Variants in SLC25A21 observed in about 807,000 individuals in gnomAD.
SLC25A21 encodes mitochondrial 2-oxodicarboxylate carrier.
In SLC25A21, 47 loss-of-function variants were observed where a neutral mutation model predicts 43.8. The ratio of observed to expected loss-of-function variants is 1.07; its 90% CI spans 0.85 to 1.37. The LOEUF is 1.37. SLC25A21 is among the 40% of genes most tolerant of loss of function. The pLI, the probability that SLC25A21 is intolerant of heterozygous loss-of-function variation, is 0.00. For missense variants in SLC25A21, 352 were observed against 350.2 expected (o/e 1.00, Z -0.04); for synonymous variants, 131 against 121.3 (o/e 1.08, Z -0.52).
chr14:36,775,830 C>T (rs959941008), intron 3 of SLC25A21, among the ~76,000 whole-genome samples: 28 of 152,154 alleles, frequency 1.8e-4, no homozygotes, highest in African/African-American at 6.3e-4. Flanking sequence ...TTAACAGGTG[C>T]CCTACCCCCA....
At position 36,703,112 on chromosome 14, in the gene SLC25A21, G is replaced by A. The variant is rs117913395; in HGVS notation, c.603+8206C>T. 1.7e-3 allele frequency among the ~76,000 whole-genome samples: 257 copies of A among 152,200 alleles called. 1 individual carries two copies. Among genetic ancestry groups the A allele is most frequent in the Middle Eastern group, 0.014 (4 of 292 alleles). On this transcript the variant is annotated intron_variant, in intron 7 of 9. Coordinates refer to ENST00000331299, the MANE Select transcript of SLC25A21 (RefSeq NM_030631.4). ...TAATGTTCCTGCCCTTCCCATTACCGGATGATTGGTAAGACTAATGATGGA... is the reference window on the plus strand; with the variant it reads ...TAATGTTCCTGCCCTTCCCATTACCAGATGATTGGTAAGACTAATGATGGA...
At chr14:37,017,771 C>G (rs1594754428) in intron 1 of SLC25A21, among the ~76,000 whole-genome samples, 1 of 151,770 alleles carries the variant, frequency 6.6e-6, no homozygotes. Flanking sequence ...CCCAGAATGG[C>G]CAATGAACAA....
chr14:36,992,535 C>T (rs961361883), intron 1 of SLC25A21, among the ~76,000 whole-genome samples: 2 of 152,166 alleles, frequency 1.3e-5, no homozygotes, highest in African/African-American at 4.8e-5. Flanking sequence ...GAAACATATA[C>T]TCTAGGTATG....
At chr14:36,781,614 T>C (rs1887065167) in intron 3 of SLC25A21, among the ~76,000 whole-genome samples, 1 of 152,208 alleles carries the variant, frequency 6.6e-6, no homozygotes, top group African/African-American at 2.4e-5. Context: ...CTCTACACTT[T>C]AACTTCTCTA....
intron 2 of SLC25A21, among the ~76,000 whole-genome samples, chr14:36,869,878 CA>C (rs1277842116): frequency 3.9e-5 from 6 of 152,098 alleles, no homozygotes; most frequent in Non-Finnish European, 8.8e-5. Flanking sequence ...ACAAAAAAGC[CA>C]AGTAATTTCC....
intron 2 of SLC25A21, among the ~76,000 whole-genome samples, chr14:36,854,693 A>G (rs1304918215): frequency 6.6e-6 from 1 of 152,210 alleles, no homozygotes; most frequent in Non-Finnish European, 1.5e-5. Context: ...AGTCTGGTGT[A>G]GATAGAATGA....
intron 6 of SLC25A21, among the ~76,000 whole-genome samples, chr14:36,722,945 TAAC>T (rs768101185): frequency 2.6e-5 from 4 of 152,154 alleles, no homozygotes; most frequent in Non-Finnish European, 5.9e-5. Flanking sequence ...CTTTTATACT[TAAC>T]AACCCACAAA....
intron 3 of SLC25A21, among the ~76,000 whole-genome samples, chr14:36,789,535 C>G (rs1009252599): frequency 1.3e-5 from 2 of 151,108 alleles, no homozygotes; most frequent in Admixed American, 1.3e-4. Flanking sequence ...GCAGCATTCA[C>G]TACATCCTAT....
Position 37,139,443 on chromosome 14 carries a change from T to C in SLC25A21, c.70+32838A>G, listed in dbSNP as rs57687430. ...CGTTTATTTGCTGCATAACAATGCT[T>C]ATATTTCAACTTTTCAACATTATAC... is the stretch of plus-strand genomic sequence containing the variant. On this transcript the variant is annotated intron_variant, in intron 1 of 9. Transcript: ENST00000331299. Among the ~76,000 whole-genome samples the C allele has an allele frequency of 4.1e-4, 63 of 152,252 alleles. No individual in the cohort carries two copies. In the East Asian group the frequency reaches 0.012, roughly 29 times the overall value.
At chr14:36,727,615 G>A (rs1019228391) in intron 5 of SLC25A21, among the ~76,000 whole-genome samples, 1 of 152,132 alleles carries the variant, frequency 6.6e-6, no homozygotes, top group Non-Finnish European at 1.5e-5. Context: ...TGGAACCCAG[G>A]AGGCGGAGGT....
At chr14:36,882,115 G>A (rs372945491) in intron 1 of SLC25A21, among the ~76,000 whole-genome samples, 3 of 152,258 alleles carry the variant, frequency 2.0e-5, no homozygotes, top group African/African-American at 7.2e-5. Flanking sequence ...GGGCATGGTG[G>A]CTCACACCTG....
intron 3 of SLC25A21, among the ~76,000 whole-genome samples, chr14:36,765,022 T>C (rs908645250): frequency 6.6e-6 from 1 of 152,242 alleles, no homozygotes; most frequent in Non-Finnish European, 1.5e-5. Flanking sequence ...CCCTTCTCTT[T>C]AAATCTCAAT....
chr14:36,746,164 G>A (rs1885488721), intron 3 of SLC25A21, among the ~76,000 whole-genome samples: 1 of 152,116 alleles, frequency 6.6e-6, no homozygotes, highest in Non-Finnish European at 1.5e-5. Flanking sequence ...TCTGTTTATT[G>A]CAACACTATT....
rs548739004 is a variant in SLC25A21, at chr14:37,161,714, G to A, written c.70+10567C>T. On this transcript the variant is annotated intron_variant, in intron 1 of 9. Transcript: ENST00000331299. ...GGTGGCTCACGCCTGTAATCCCAGCGCTTTGGGAGGCCGAGGCGGGCGAAT... is the reference window on the plus strand; with the variant it reads ...GGTGGCTCACGCCTGTAATCCCAGCACTTTGGGAGGCCGAGGCGGGCGAAT... Among the ~76,000 whole-genome samples, 380 of 151,920 alleles carry A rather than the reference G, an allele frequency of 2.5e-3. 1 individual carries two copies. The highest frequency in any genetic ancestry group is 8.0e-3 in the African/African-American group (332 of 41,452).
chr14:36,909,721 A>G (rs1434140396), intron 1 of SLC25A21, among the ~76,000 whole-genome samples: 2 of 152,210 alleles, frequency 1.3e-5, no homozygotes, highest in Non-Finnish European at 2.9e-5. Flanking sequence ...TTTAAAATAA[A>G]TTAATAAGTA....
chr14:37,128,447 A>C (rs953130847), intron 1 of SLC25A21, among the ~76,000 whole-genome samples: 14 of 151,960 alleles, frequency 9.2e-5, no homozygotes, highest in African/African-American at 3.4e-4. Context: ...TGTTAATACA[A>C]AGAGATTTTT....
chr14:37,122,119 T>C (rs1963219928), intron 1 of SLC25A21, among the ~76,000 whole-genome samples: 1 of 152,232 alleles, frequency 6.6e-6, no homozygotes. Context: ...GTACCTTTTT[T>C]CCCAAACTTA....
intron 3 of SLC25A21, among the ~76,000 whole-genome samples, chr14:36,746,056 G>T (rs1885483794): frequency 6.6e-6 from 1 of 151,974 alleles, no homozygotes; most frequent in Non-Finnish European, 1.5e-5. Flanking sequence ...AGATTTCACA[G>T]AACTAAAAAT....
chr14:36,868,972 T>C (rs946029460), intron 2 of SLC25A21, among the ~76,000 whole-genome samples: 1 of 152,140 alleles, frequency 6.6e-6, no homozygotes, highest in Non-Finnish European at 1.5e-5. Flanking sequence ...TGATTCTAGC[T>C]CCCAGCAGGG....
Sources: gnomAD v4.1 joint callset for allele counts (sites outside exome capture counted in the v4.1 genomes callset) on GRCh38, gnomAD v4.1.1 for gene constraint, MANE v1.5 for transcripts, NCBI Gene and HGNC (gene_info 2026-07-23, HGNC 2026-07-21) for gene names.